The following SQOR variants were observed in gnomAD, a reference collection of about 807,000 sequenced individuals.
SQOR encodes the protein sulfide:quinone oxidoreductase, mitochondrial.
Under a neutral mutation model 48.6 loss-of-function variants are expected in SQOR, and 39 were observed. The ratio of observed to expected loss-of-function variants is 0.80; its 90% CI spans 0.62 to 1.05. The LOEUF (loss-of-function observed/expected upper bound fraction) is 1.05. Ranked by LOEUF, SQOR falls within the 50% of genes least tolerant of loss-of-function variation. The pLI is 0.00. For synonymous variants in SQOR, 220 were observed against 206.2 expected, an observed-to-expected ratio of 1.07 and a Z score of -0.57; for missense variants, 561 against 559.9, an observed-to-expected ratio of 1.00 and a Z score of -0.02.
At chr15:45,669,160 ATT>A (rs1304304009) in intron 3 of SQOR, among the ~76,000 whole-genome samples, 1 of 145,226 alleles carries the variant, frequency 6.9e-6, no homozygotes, top group Non-Finnish European at 1.5e-5. Flanking sequence ...TTATATATAT[ATT>A]TTTTATTTTT....
chr15:45,659,211 A>AGT lies in SQOR; in HGVS notation c.234+71_234+72dup, dbSNP rs142512593. On this transcript the variant is annotated intron_variant, in intron 2 of 9. Transcript: ENST00000260324. Reference sequence around the variant, plus strand: ...GTGTGTGTACGTGTGTGTGTGTGTGAGTGTGTGTGTGTGTGTGTTCTGGGG... The same window carrying AGT: ...GTGTGTGTACGTGTGTGTGTGTGTGAGTGTGTGTGTGTGTGTGTGTTCTGGGG... 3.7e-3 allele frequency: 4,032 copies of AGT among 1,095,788 alleles called. 38 individuals are homozygous for AGT. In the African/African-American group the frequency reaches 0.037, roughly 10 times the overall value. The allele number at this position is 1,095,788 out of a possible 1,614,324, so 67.9% of individuals were successfully genotyped here.
intron 1 of SQOR, among the ~76,000 whole-genome samples, chr15:45,648,435 C>A (rs535958189): frequency 1.3e-4 from 20 of 152,308 alleles, no homozygotes; most frequent in South Asian, 4.1e-4. Flanking sequence ...CTTGGCCTCG[C>A]AAAGTGCTGG....
intron 1 of SQOR, among the ~76,000 whole-genome samples, chr15:45,644,908 T>C (rs2140939156): frequency 6.6e-6 from 1 of 152,302 alleles, no homozygotes; most frequent in South Asian, 2.1e-4. Context: ...CTGGATTGAT[T>C]GGTTTACATA....
chr15:45,654,451 A>C (rs566402877), intron 1 of SQOR, among the ~76,000 whole-genome samples: 1 of 152,356 alleles, frequency 6.6e-6, no homozygotes, highest in Non-Finnish European at 1.5e-5. Context: ...AATCTGGTTC[A>C]GAGGACTTTT....
intron 3 of SQOR, among the ~76,000 whole-genome samples, chr15:45,663,238 G>C (rs1312819785): frequency 6.6e-6 from 1 of 151,952 alleles, no homozygotes; most frequent in African/African-American, 2.4e-5. Flanking sequence ...AGGCTGGCTC[G>C]AACTCTTGAC....
chr15:45,655,936 T>C (rs1198521152), intron 1 of SQOR, among the ~76,000 whole-genome samples: 1 of 151,960 alleles, frequency 6.6e-6, no homozygotes, highest in Non-Finnish European at 1.5e-5. Context: ...CCGCCCGCCT[T>C]GGCCTCCCAA....
At chr15:45,684,734 T>C (rs1409468253) in intron 7 of SQOR, among the ~76,000 whole-genome samples, 1 of 152,222 alleles carries the variant, frequency 6.6e-6, no homozygotes, top group Non-Finnish European at 1.5e-5. Context: ...TGAAACTACC[T>C]GTGATGTGAG....
chr15:45,667,923 T>G (rs983819512), intron 3 of SQOR, among the ~76,000 whole-genome samples: 10 of 140,084 alleles, frequency 7.1e-5, no homozygotes, highest in African/African-American at 2.6e-4. Context: ...TCATCTTTCT[T>G]TATTTCTTTC....
At chr15:45,647,163 C>T (rs950685218) in intron 1 of SQOR, among the ~76,000 whole-genome samples, 33 of 151,552 alleles carry the variant, frequency 2.2e-4, no homozygotes, top group African/African-American at 7.0e-4. Context: ...ACAGGAGAAT[C>T]GCTTGAATCC....
In SQOR at chr15:45,675,651, C is replaced by T. The variant is rs561246260; in HGVS notation, c.655-450C>T. ...CTGACGTCAGGTGATCTGCCTGCCT[C>T]GGCCTCCCAAAGTGCTAGGATTACA... On this transcript the variant is annotated intron_variant, in intron 5 of 9. Transcript: ENST00000260324. 5.3e-5 allele frequency among the ~76,000 whole-genome samples: 8 copies of T among 152,178 alleles called. No homozygotes were observed. In the East Asian group the frequency reaches 9.6e-4, roughly 18 times the overall value.
chr15:45,673,771 C>T lies in SQOR; in HGVS notation c.624C>T (p.Ile208=). The T allele has an allele frequency of 6.2e-7, 1 of 1,614,148 alleles. No homozygotes were observed. The highest frequency in any genetic ancestry group is 1.1e-5 in the South Asian group (1 of 91,082). The change falls in exon 5 of 10, where the codon ATC becomes ATT. Residue 208 remains isoleucine (I), a synonymous_variant. Coordinates refer to ENST00000260324, the MANE Select transcript of SQOR (RefSeq NM_021199.4). ...AGTGTGCTGGAGCCCCTCAGAAGATCATGTACTTATCAGAAGCCTACTTCA... is the reference window on the plus strand; with the variant it reads ...AGTGTGCTGGAGCCCCTCAGAAGATTATGTACTTATCAGAAGCCTACTTCA... The part of the protein sequence containing the change: ...PVKCAGAPQK[I]MYLSEAYFRK...
intron 1 of SQOR, among the ~76,000 whole-genome samples, chr15:45,652,684 GTGGC>G (rs1321131629): frequency 1.8e-5 from 2 of 109,992 alleles, no homozygotes; most frequent in African/African-American, 7.1e-5. Context: ...TTAAGATTGT[GTGGC>G]TGGCCGGGCA....
chr15:45,641,907 A>G (rs1314529453), intron 1 of SQOR, among the ~76,000 whole-genome samples: 3 of 152,098 alleles, frequency 2.0e-5, no homozygotes, highest in Admixed American at 6.5e-5. Context: ...AAAAATGTCA[A>G]TGTGTGTCTC....
intron 1 of SQOR, among the ~76,000 whole-genome samples, chr15:45,636,546 G>A (rs1043382203): frequency 6.6e-6 from 1 of 151,972 alleles, no homozygotes; most frequent in Non-Finnish European, 1.5e-5. Flanking sequence ...TGGGACTACA[G>A]GTGTGTGCCA....
rs1246974013 is a variant in SQOR at position 45,673,764 on chromosome 15, A to G, written c.617A>G (p.Gln206Arg). The change falls in exon 5 of 10, where the codon CAG (glutamine) becomes CGG (arginine). Residue 206 changes from glutamine to arginine, a missense_variant. Coordinates refer to ENST00000260324, the MANE Select transcript of SQOR (RefSeq NM_021199.4). Reference protein sequence around the residue: ...NTPVKCAGAPQKIMYLSEAYF... With the variant: ...NTPVKCAGAPRKIMYLSEAYF... The stretch of plus-strand genomic sequence containing the variant: ...CCAGTGAAGTGTGCTGGAGCCCCTC[A>G]GAAGATCATGTACTTATCAGAAGCC... 6.2e-7 allele frequency: 1 copy of G among 1,614,186 alleles called. No homozygotes were observed. Among genetic ancestry groups the G allele is most frequent in the African/African-American group, 1.3e-5 (1 of 75,056 alleles).
chr15:45,690,916 C>G, intron 9 of SQOR, 57 bp from the exon 10 acceptor site: 1 of 1,488,664 alleles, frequency 6.7e-7, no homozygotes, highest in Non-Finnish European at 9.4e-7. Flanking sequence ...ATCCTCCTGA[C>G]TGAAGTCGCC....
intron 1 of SQOR, among the ~76,000 whole-genome samples, chr15:45,653,639 G>A (rs35927548): frequency 0.34 from 51,420 of 151,924 alleles, 9,097 homozygotes; most frequent in East Asian, 0.5. Context: ...TCGTAGTCAC[G>A]TGTTTGGTTT....
At chr15:45,638,619 G>C (rs575972608) in intron 1 of SQOR, among the ~76,000 whole-genome samples, 3 of 152,138 alleles carry the variant, frequency 2.0e-5, no homozygotes, top group African/African-American at 7.2e-5. Context: ...AACTACTCAG[G>C]GGGCTGAGGC....
At chr15:45,661,882 C>A in intron 2 of SQOR, 73 bp from the exon 3 acceptor site, 2 of 1,453,260 alleles carry the variant, frequency 1.4e-6, no homozygotes, top group Non-Finnish European at 1.9e-6. Context: ...AAGAATCTAG[C>A]CCATACTGTT....
Sources: gnomAD v4.1 joint callset for allele counts (sites outside exome capture counted in the v4.1 genomes callset) on GRCh38, gnomAD v4.1.1 for gene constraint, MANE v1.5 for transcripts, NCBI Gene and HGNC (gene_info 2026-07-23, HGNC 2026-07-21) for gene names.